The following ATXN7 variants were observed in gnomAD, a reference collection of about 807,000 sequenced individuals.
The protein encoded by ATXN7 is ataxin 7, also known as ataxin-7.
ATXN7 carries 12 observed loss-of-function variants against 70.5 expected under a neutral mutation model. The ratio of observed to expected loss-of-function variants is 0.17; its 90% CI spans 0.11 to 0.28. The LOEUF (loss-of-function observed/expected upper bound fraction) is 0.28, where lower values mean the gene tolerates loss of function less well. ATXN7 is among the 10% of genes least tolerant of loss of function. The probability of loss-of-function intolerance (pLI) is 1.00; values close to 1 mark genes in which losing one functional copy is unlikely to be tolerated. For synonymous variants in ATXN7, 498 were observed against 448.7 expected, an observed-to-expected ratio of 1.11 and a Z score of -1.39; for missense variants, 1,256 against 1,131.7, an observed-to-expected ratio of 1.11 and a Z score of -1.58.
intron 5 of ATXN7, among the ~76,000 whole-genome samples, chr3:63,953,582 G>T (rs929632200): frequency 6.6e-6 from 1 of 152,088 alleles, no homozygotes; most frequent in African/African-American, 2.4e-5. Context: ...ATAGTTCAGA[G>T]GCAAGAGATG....
At chr3:63,970,553 A>G (rs2075294418) in intron 5 of ATXN7, among the ~76,000 whole-genome samples, 1 of 152,238 alleles carries the variant, frequency 6.6e-6, no homozygotes, top group African/African-American at 2.4e-5. Context: ...GCAAAAAGCA[A>G]CAAGTTAGGC....
intron 4 of ATXN7, 147 bp from the exon 5 acceptor site, chr3:63,952,232 C>T (rs1469074056): frequency 2.2e-6 from 1 of 463,706 alleles, no homozygotes; most frequent in Admixed American, 4.1e-5. Context: ...TTTGATTTCT[C>T]TGTTTAATAG....
intron 2 of ATXN7, among the ~76,000 whole-genome samples, chr3:63,899,416 AG>A (rs1385761490): frequency 6.6e-6 from 1 of 151,952 alleles, no homozygotes; most frequent in Non-Finnish European, 1.5e-5. Context: ...CTGTTTTGGG[AG>A]GATAGTGGTG....
intron 1 of ATXN7, among the ~76,000 whole-genome samples, chr3:63,892,114 A>G (rs1703286747): frequency 6.6e-6 from 1 of 152,152 alleles, no homozygotes; most frequent in Admixed American, 6.6e-5. Context: ...CTCAGCGAAA[A>G]TTGTTCTTAT....
intron 4 of ATXN7, among the ~76,000 whole-genome samples, chr3:63,938,606 A>C (rs2074703890): frequency 6.6e-6 from 1 of 152,230 alleles, no homozygotes; most frequent in Non-Finnish European, 1.5e-5. Context: ...AGAAGTTGGC[A>C]TTAAAACCAA....
chr3:63,950,559 A>G (rs1453228064), intron 4 of ATXN7, among the ~76,000 whole-genome samples: 1 of 152,208 alleles, frequency 6.6e-6, no homozygotes, highest in Non-Finnish European at 1.5e-5. Context: ...CAGTTCTGTA[A>G]TTTAGATGTA....
chr3:63,886,754 G>A (rs1703098140), intron 1 of ATXN7, among the ~76,000 whole-genome samples: 1 of 152,164 alleles, frequency 6.6e-6, no homozygotes, highest in Admixed American at 6.5e-5. Context: ...TTTTCATCCC[G>A]TAGGGAGCCT....
At chr3:63,976,541 A>T (rs1193834741) in intron 5 of ATXN7, among the ~76,000 whole-genome samples, 1 of 152,232 alleles carries the variant, frequency 6.6e-6, no homozygotes, top group African/African-American at 2.4e-5. Flanking sequence ...GATATTATCG[A>T]TACATCAGCA....
At chr3:63,894,982 A>G (rs2107255174) in intron 1 of ATXN7, among the ~76,000 whole-genome samples, 1 of 152,090 alleles carries the variant, frequency 6.6e-6, no homozygotes, top group South Asian at 2.1e-4. Flanking sequence ...TCCCCCAACA[A>G]GCTCTGAATT....
chr3:63,893,041 A>G (rs1703335042), intron 1 of ATXN7, among the ~76,000 whole-genome samples: 1 of 152,208 alleles, frequency 6.6e-6, no homozygotes, highest in South Asian at 2.1e-4. Flanking sequence ...GCACTACCTC[A>G]GCTTTTATTG....
At chr3:63,970,736 T>A (rs1371147555) in intron 5 of ATXN7, among the ~76,000 whole-genome samples, 1 of 152,220 alleles carries the variant, frequency 6.6e-6, no homozygotes, top group Non-Finnish European at 1.5e-5. Context: ...CATTCACGCC[T>A]GTCCCTTCCC....
At chr3:63,914,103 T>C (rs1704165708) in intron 4 of ATXN7, among the ~76,000 whole-genome samples, 1 of 152,212 alleles carries the variant, frequency 6.6e-6, no homozygotes, top group Non-Finnish European at 1.5e-5. Flanking sequence ...CCCGGAATAC[T>C]GAGTTTATAG....
chr3:63,982,403 G>C lies in ATXN7; in HGVS notation c.970G>C (p.Asp324His). 6.2e-7 allele frequency: 1 copy of C among 1,612,836 alleles called. No individual in the cohort carries two copies. The highest frequency in any genetic ancestry group is 1.1e-5 in the South Asian group (1 of 90,994). The change falls in exon 7 of 13, where the codon GAC (aspartate) becomes CAC (histidine). Residue 324 changes from aspartate (D) to histidine (H), a missense_variant. Coordinates refer to ENST00000674280, the MANE Select transcript of ATXN7 (RefSeq NM_001377405.1). ...APPTLEKKPE[D>H]NSNNRKFLNK... is the part of the protein sequence containing the mutation. ...GCCCACTCTGGAAAAGAAACCTGAA[G>C]ACAATTCCAATAATAGGAAATTTTT...
At chr3:63,996,548 C>A in intron 12 of ATXN7, 65 bp downstream of exon 12, 1 of 1,532,364 alleles carries the variant, frequency 6.5e-7, no homozygotes, top group Non-Finnish European at 8.8e-7. Flanking sequence ...CTTTTGTCAG[C>A]TCAGAAATGT....
chr3:63,996,544 T>A lies in ATXN7; in HGVS notation c.2661+61T>A, dbSNP rs17069627. On this transcript the variant is annotated intron_variant, in intron 12 of 12. Transcript: ENST00000674280. ...ATTTCTTCTCCCTTAAGATCTTTTG[T>A]CAGCTCAGAAATGTGTTTGGTTGGG... is the stretch of plus-strand genomic sequence containing the variant. The A allele has an allele frequency of 4.5e-6, 7 of 1,554,406 alleles. No homozygotes were observed. The Admixed American group carries it at 9.5e-5, about 21-fold the overall frequency.
intron 1 of ATXN7, among the ~76,000 whole-genome samples, chr3:63,884,116 T>C (rs924562754): frequency 2.6e-5 from 4 of 151,806 alleles, no homozygotes; most frequent in Non-Finnish European, 5.9e-5. Flanking sequence ...CATTCTCCAT[T>C]AAAAGGAGAT....
Position 63,990,849 on chromosome 3 carries a change from C to A in ATXN7, c.1672C>A (p.Gln558Lys), listed in dbSNP as rs2075660500. 2 of 1,614,120 alleles carry A rather than the reference C, an allele frequency of 1.2e-6. No individual in the cohort carries two copies. Among genetic ancestry groups the A allele is most frequent in the Non-Finnish European group, 1.7e-6 (2 of 1,180,058 alleles). The change falls in exon 11 of 13, where the codon CAG (glutamine) becomes AAG (lysine). Residue 558 changes from glutamine (Q) to lysine (K), a missense_variant. Coordinates refer to ENST00000674280, the MANE Select transcript of ATXN7 (RefSeq NM_001377405.1). The stretch of plus-strand genomic sequence containing the variant: ...CATGGTGGAGAAGCATCTGAATGCA[C>A]AGCTATGGAAGTGAGTGCCTGTTGT... Reference protein sequence around the residue: ...NLMVEKHLNAQLWKKIPPVPS... With the variant: ...NLMVEKHLNAKLWKKIPPVPS...
intron 9 of ATXN7, among the ~76,000 whole-genome samples, chr3:63,988,628 A>C (rs1431504713): frequency 6.6e-6 from 1 of 152,188 alleles, no homozygotes; most frequent in Non-Finnish European, 1.5e-5. Context: ...CCTGCGGGTT[A>C]GTGACAGGAA....
chr3:63,915,755 C>T (rs1414055597), intron 4 of ATXN7, among the ~76,000 whole-genome samples: 1 of 151,160 alleles, frequency 6.6e-6, no homozygotes, highest in East Asian at 1.9e-4. Context: ...GTTCTCGGCT[C>T]ACTGCAACCT....
Sources: gnomAD v4.1 joint callset for allele counts (sites outside exome capture counted in the v4.1 genomes callset) on GRCh38, gnomAD v4.1.1 for gene constraint, MANE v1.5 for transcripts, NCBI Gene and HGNC (gene_info 2026-07-23, HGNC 2026-07-21) for gene names.